RTTN: variants seen among roughly 807,000 people sequenced by gnomAD.
RTTN encodes the protein rotatin.
RTTN carries 182 observed loss-of-function variants against 269.2 expected under a neutral mutation model. That is an observed-to-expected ratio of 0.68 (90% CI 0.60 to 0.76). The LOEUF (loss-of-function observed/expected upper bound fraction) is 0.76, where lower values mean the gene tolerates loss of function less well. RTTN is among the 30% of genes least tolerant of loss of function. RTTN has a pLI of 0.00. For synonymous variants in RTTN, 1,006 were observed against 963.5 expected (o/e 1.04, Z -0.82); for missense variants, 2,545 against 2,608.6 (o/e 0.98, Z 0.53).
At chr18:70,137,649 G>A (rs1469123084) in intron 21 of RTTN, among the ~76,000 whole-genome samples, 1 of 151,850 alleles carries the variant, frequency 6.6e-6, no homozygotes, top group Non-Finnish European at 1.5e-5. Context: ...ACACAACCAC[G>A]GCTCCATCTA....
chr18:70,075,300 T>C (rs2058397911), intron 33 of RTTN, 52 bp downstream of exon 33: 2 of 1,285,512 alleles, frequency 1.6e-6, no homozygotes, highest in Admixed American at 2.6e-5. Context: ...TTTTTAACAG[T>C]TTTTACAAGT....
chr18:70,028,025 A>G (rs2056901655), intron 43 of RTTN, among the ~76,000 whole-genome samples: 1 of 152,156 alleles, frequency 6.6e-6, no homozygotes, highest in South Asian at 2.1e-4. Flanking sequence ...GTATTTTTTA[A>G]AATTTTTATT....
rs1384101344 is a variant in RTTN at position 70,060,013 on chromosome 18, G to A, written c.4777C>T (p.Pro1593Ser). 1.2e-6 allele frequency: 2 copies of A among 1,612,410 alleles called. No individual in the cohort carries two copies. Among genetic ancestry groups the A allele is most frequent in the South Asian group, 1.1e-5 (1 of 90,840 alleles). Residue 1593 changes from proline to serine, a missense_variant, in exon 36 of 49, where the codon CCT becomes TCT. Physicochemically the swap from Pro to Ser is moderately conservative, Grantham distance 74. Coordinates refer to ENST00000640769, the MANE Select transcript of RTTN (RefSeq NM_173630.4). Reference protein sequence around the residue: ...GHQESTSPRPPHDSSLSAPLP... With the variant: ...GHQESTSPRPSHDSSLSAPLP... ...GGAGCAGAAAGAGATGAATCATGAG[G>A]TGGCCGTGGTGATGTACTTTCCTGG...
intron 25 of RTTN, among the ~76,000 whole-genome samples, chr18:70,122,546 T>C (rs983057929): frequency 6.6e-6 from 1 of 152,084 alleles, no homozygotes; most frequent in East Asian, 1.9e-4. Flanking sequence ...ATAACAACAT[T>C]ATGAAGTAGG....
At chr18:70,076,263 T>C (rs2058427228) in intron 32 of RTTN, among the ~76,000 whole-genome samples, 1 of 152,188 alleles carries the variant, frequency 6.6e-6, no homozygotes, top group South Asian at 2.1e-4. Flanking sequence ...AGTTTATAAA[T>C]ATTTCTATTT....
At chr18:70,035,805 A>G (rs1017596818) in intron 40 of RTTN, among the ~76,000 whole-genome samples, 3 of 152,230 alleles carry the variant, frequency 2.0e-5, no homozygotes, top group African/African-American at 7.2e-5. Flanking sequence ...TCTGCAAACT[A>G]TGCATCAGAC....
intron 40 of RTTN, among the ~76,000 whole-genome samples, chr18:70,036,427 A>C (rs1313879153): frequency 6.6e-6 from 1 of 152,214 alleles, no homozygotes; most frequent in Non-Finnish European, 1.5e-5. Context: ...CATGATCCTT[A>C]GGAAACAATG....
chr18:70,113,748 G>A (rs1180237324), intron 27 of RTTN, among the ~76,000 whole-genome samples: 5 of 152,138 alleles, frequency 3.3e-5, no homozygotes, highest in African/African-American at 1.2e-4. Context: ...CAGTATGCAA[G>A]GAGCTTGGAA....
intron 40 of RTTN, among the ~76,000 whole-genome samples, chr18:70,032,848 C>T (rs2057057505): frequency 6.6e-6 from 1 of 152,204 alleles, no homozygotes; most frequent in South Asian, 2.1e-4. Context: ...ATCTACAGAA[C>T]TCCCCACCAG....
intron 14 of RTTN, 95 bp downstream of exon 14, chr18:70,165,960 TATATCTC>T (rs1358980692): frequency 3.4e-6 from 4 of 1,163,156 alleles, no homozygotes; most frequent in Non-Finnish European, 3.6e-6. Flanking sequence ...ATATAGTTCT[TATATCTC>T]ATACAAAAGG....
intron 14 of RTTN, among the ~76,000 whole-genome samples, chr18:70,163,971 G>C (rs1025412486): frequency 2.6e-5 from 4 of 152,104 alleles, no homozygotes; most frequent in African/African-American, 9.7e-5. Context: ...GTAACAAAAA[G>C]ACAAACACTG....
At chr18:70,197,480 A>G (rs2061839340) in intron 6 of RTTN, 144 bp downstream of exon 6, 2 of 661,050 alleles carry the variant, frequency 3.0e-6, no homozygotes, top group East Asian at 2.8e-5. Context: ...AAGTTAGCGA[A>G]TAAGTGCTTT....
chr18:70,144,177 A>C (rs1376520743), intron 18 of RTTN, among the ~76,000 whole-genome samples: 3 of 152,150 alleles, frequency 2.0e-5, no homozygotes, highest in Non-Finnish European at 4.4e-5. Flanking sequence ...TTTTGCTAGG[A>C]AGTTATTCAT....
intron 25 of RTTN, among the ~76,000 whole-genome samples, chr18:70,121,924 TAGA>T (rs1341845526): frequency 6.6e-6 from 1 of 152,140 alleles, no homozygotes; most frequent in African/African-American, 2.4e-5. Flanking sequence ...CTAAAATAAC[TAGA>T]AGTGACAAAT....
chr18:70,166,383 T>C lies in RTTN; in HGVS notation c.1803-195A>G, dbSNP rs1307363431. Reference sequence around the variant, plus strand: ...GCAGAGGAGGTTCTGTCTTAAAGAGTATTTTTAAAAACCCAAAATGTCTTT... The same window carrying C: ...GCAGAGGAGGTTCTGTCTTAAAGAGCATTTTTAAAAACCCAAAATGTCTTT... On this transcript the variant is annotated intron_variant, in intron 13 of 48. Coordinates refer to ENST00000640769, the MANE Select transcript of RTTN (RefSeq NM_173630.4). The C allele has an allele frequency of 7.1e-6, 3 of 420,586 alleles. No individual in the cohort carries two copies. The East Asian group carries it at 1.2e-4, about 16-fold the overall frequency. The allele number at this position is 420,586 out of a possible 1,614,324, so 26.1% of individuals were successfully genotyped here. A position where few individuals can be genotyped will look rare whatever the true frequency, so the allele number is the denominator to read the frequency against.
intron 15 of RTTN, 84 bp downstream of exon 15, chr18:70,150,524 T>C: frequency 8.0e-7 from 1 of 1,252,736 alleles, no homozygotes; most frequent in South Asian, 1.4e-5. Flanking sequence ...CTCACCATGC[T>C]ATCTAAACTA....
chr18:70,180,850 T>C (rs1391754106), intron 10 of RTTN, among the ~76,000 whole-genome samples: 3 of 152,228 alleles, frequency 2.0e-5, no homozygotes, highest in African/African-American at 7.2e-5. Context: ...TGCTTATCTC[T>C]ATTTTACTAA....
chr18:70,123,438 CTT>C (rs1247247956), intron 25 of RTTN, among the ~76,000 whole-genome samples: 12 of 152,084 alleles, frequency 7.9e-5, no homozygotes, highest in Non-Finnish European at 1.6e-4. Context: ...ACTCATTCCT[CTT>C]GTCTAACTGG....
chr18:70,190,877 C>T (rs1445637799), intron 8 of RTTN, among the ~76,000 whole-genome samples, 158 bp from the exon 9 acceptor site: 2 of 152,160 alleles, frequency 1.3e-5, no homozygotes, highest in Non-Finnish European at 2.9e-5. Context: ...GACAAATTTA[C>T]GAAATTAAAT....
Sources: allele counts gnomAD v4.1 joint callset (sites outside exome capture counted in the v4.1 genomes callset), GRCh38; gene constraint gnomAD v4.1.1; transcripts MANE v1.5; gene names NCBI Gene and HGNC (gene_info 2026-07-23, HGNC 2026-07-21).